The following NFYC variants were observed in gnomAD, a reference collection of about 807,000 sequenced individuals.
The protein encoded by NFYC is CAAT box DNA-binding protein subunit C.
Under a neutral mutation model 53.1 loss-of-function variants are expected in NFYC, and 25 were observed. The observed-to-expected ratio is 0.47, with a 90% CI of 0.34 to 0.66. The LOEUF (loss-of-function observed/expected upper bound fraction) is 0.66. NFYC is among the 30% of genes least tolerant of loss of function. The pLI is 0.01. For synonymous variants in NFYC, 145 were observed against 152.6 expected (o/e 0.95, Z 0.37); for missense variants, 260 against 422.7 (o/e 0.62, Z 3.38).
chr1:40,735,957 A>G (rs1019378719), intron 1 of NFYC, among the ~76,000 whole-genome samples: 4 of 152,220 alleles, frequency 2.6e-5, no homozygotes, highest in African/African-American at 9.6e-5. Context: ...AGAGAGTAGC[A>G]TATAGGCCAT....
In NFYC at chr1:40,758,193, G is replaced by A. The variant is rs139077351; in HGVS notation, c.460G>A (p.Ala154Thr). The A allele has an allele frequency of 9.5e-5, 154 of 1,612,722 alleles. No individual in the cohort carries two copies. The highest frequency in any genetic ancestry group is 1.3e-4 in the Non-Finnish European group (148 of 1,180,012). The change falls in exon 6 of 10, where the codon GCT becomes ACT. Residue 154 changes from alanine (A) to threonine (T), a missense_variant. Physicochemically the swap from Ala to Thr is moderately conservative, Grantham distance 58. Transcript: ENST00000447388. ...YYFTLAQQPT[A>T]VQVQGQQQGQ... ...TTTCACGCTGGCTCAGCAACCCACC[G>A]CTGTCCAAGTCCAGGGCCAGCAGCA...
At chr1:40,734,394 G>C (rs1438031536) in intron 1 of NFYC, among the ~76,000 whole-genome samples, 1 of 151,110 alleles carries the variant, frequency 6.6e-6, no homozygotes, top group Non-Finnish European at 1.5e-5. Flanking sequence ...ATGGAGTCTT[G>C]CTCTGTCACC....
At chr1:40,764,179 G>A (rs1017575739) in intron 7 of NFYC, among the ~76,000 whole-genome samples, 2 of 152,230 alleles carry the variant, frequency 1.3e-5, no homozygotes, top group African/African-American at 4.8e-5. Context: ...GAGTGAAACA[G>A]AGCAGTCCTT....
At chr1:40,743,925 C>G (rs1389661317) in intron 2 of NFYC, among the ~76,000 whole-genome samples, 2 of 152,172 alleles carry the variant, frequency 1.3e-5, no homozygotes, top group African/African-American at 4.8e-5. Flanking sequence ...GGCCGTAAAA[C>G]AGTAGTCCTT....
chr1:40,748,979 CA>C (rs779348138), intron 3 of NFYC, among the ~76,000 whole-genome samples: 63 of 152,276 alleles, frequency 4.1e-4, no homozygotes, highest in Non-Finnish European at 7.8e-4. Flanking sequence ...ACTACCTCAC[CA>C]AAGGTTTAGA....
At chr1:40,731,745 A>G (rs1365911374) in intron 1 of NFYC, among the ~76,000 whole-genome samples, 2 of 151,700 alleles carry the variant, frequency 1.3e-5, no homozygotes, top group African/African-American at 4.9e-5. Context: ...CGGCCTCTCA[A>G]AGTGCTGGGT....
At chr1:40,701,128 G>A (rs1447025285) in intron 1 of NFYC, among the ~76,000 whole-genome samples, 4 of 152,056 alleles carry the variant, frequency 2.6e-5, no homozygotes, top group East Asian at 1.9e-4. Flanking sequence ...AGAGAGTCTC[G>A]CCCTGTCACC....
At chr1:40,720,651 G>C (rs1189069817) in intron 1 of NFYC, among the ~76,000 whole-genome samples, 1 of 152,166 alleles carries the variant, frequency 6.6e-6, no homozygotes, top group African/African-American at 2.4e-5. Context: ...AGGATCACTT[G>C]AGCCCAGGAG....
intron 8 of NFYC, chr1:40,767,146 C>G: frequency 1.6e-6 from 1 of 636,010 alleles, no homozygotes. Flanking sequence ...AAAAATTGCC[C>G]TTCTCCTCTC....
rs1052849089 is a variant in NFYC, at chr1:40,747,515, C to G, written c.106-19C>G. 6.3e-7 allele frequency: 1 copy of G among 1,591,694 alleles called. No individual in the cohort carries two copies. The highest frequency in any genetic ancestry group is 8.6e-7 in the Non-Finnish European group (1 of 1,160,138). ...TTGATTGTCCCCACCATTTATGCAT[C>G]TCTTGTTGTTCATTTCAGAAAGACT... is the stretch of plus-strand genomic sequence containing the variant. On this transcript the variant is annotated intron_variant, in intron 2 of 9. Transcript: ENST00000447388.
chr1:40,733,819 C>G lies in NFYC; in HGVS notation c.-8-5017C>G, dbSNP rs550849409. Among the ~76,000 whole-genome samples the G allele has an allele frequency of 7.2e-5, 11 of 152,258 alleles. No homozygotes were observed. In the East Asian group the frequency reaches 1.9e-3, roughly 27 times the overall value. The stretch of plus-strand genomic sequence containing the variant: ...TGTGCAGTGGCATTATCTTGACTCA[C>G]TGCAACCTCCGCTTCCCAGGTTCCA... On this transcript the variant is annotated intron_variant, in intron 1 of 9. Transcript: ENST00000447388.
chr1:40,719,078 G>A (rs901255998), intron 1 of NFYC, among the ~76,000 whole-genome samples: 7 of 152,126 alleles, frequency 4.6e-5, no homozygotes, highest in Admixed American at 1.3e-4. Flanking sequence ...CACCATGTTG[G>A]CCAGATGGTC....
At chr1:40,769,257 C>A in intron 8 of NFYC, 99 bp from the exon 9 acceptor site, 1 of 1,202,852 alleles carries the variant, frequency 8.3e-7, no homozygotes, top group African/African-American at 1.5e-5. Flanking sequence ...ACTTTATATG[C>A]ATTGTCTCAT....
chr1:40,757,154 G>A, intron 5 of NFYC: 1 of 248,196 alleles, frequency 4.0e-6, no homozygotes, highest in Non-Finnish European at 9.1e-6. Flanking sequence ...GCCAGCCCAA[G>A]TGGTTCTGTG....
chr1:40,733,019 C>CCCCCCCT (rs35467973), intron 1 of NFYC, among the ~76,000 whole-genome samples: 3 of 103,190 alleles, frequency 2.9e-5, no homozygotes, highest in African/African-American at 1.1e-4. Context: ...CCCCCCCCCC[C>CCCCCCCT]TTTTTTTTTT....
At chr1:40,727,005 G>A (rs1644546565) in intron 1 of NFYC, among the ~76,000 whole-genome samples, 1 of 152,172 alleles carries the variant, frequency 6.6e-6, no homozygotes, top group South Asian at 2.1e-4. Flanking sequence ...GTTTTATCAT[G>A]AGATTGCAGC....
intron 1 of NFYC, chr1:40,730,508 GT>G: frequency 4.1e-6 from 4 of 965,504 alleles, no homozygotes; most frequent in Non-Finnish European, 4.9e-6. Context: ...GCACAATAAA[GT>G]GAAATGCAAT....
rs921543029 is a variant in NFYC at position 40,691,793 on chromosome 1, G to A, written c.-83G>A. On this transcript the variant is annotated 5_prime_UTR_variant, in exon 1 of 10. Transcript: ENST00000447388. ...CACACTTCCCCCTCCCCTCCGCCGC[G>A]CCTGGGCCTCTGCATTGCCCGACTC... 54 of 451,540 alleles carry A rather than the reference G, an allele frequency of 1.2e-4. No homozygotes were observed. The highest frequency in any genetic ancestry group is 9.5e-4 in the African/African-American group (47 of 49,712). The allele number at this position is 451,540 out of a possible 1,614,324, so 28.0% of individuals were successfully genotyped here.
At chr1:40,758,629 G>A (rs905551494) in intron 6 of NFYC, among the ~76,000 whole-genome samples, 1 of 152,190 alleles carries the variant, frequency 6.6e-6, no homozygotes, top group Non-Finnish European at 1.5e-5. Flanking sequence ...CATGCCTGCT[G>A]TCTGTGTGTC....
Sources: gnomAD v4.1 joint callset for allele counts (sites outside exome capture counted in the v4.1 genomes callset) on GRCh38, gnomAD v4.1.1 for gene constraint, MANE v1.5 for transcripts, NCBI Gene and HGNC (gene_info 2026-07-23, HGNC 2026-07-21) for gene names.